Variants in HSPA4L observed in about 807,000 individuals in gnomAD.
HSPA4L encodes heat shock protein family A (Hsp70) member 4 like, also known as heat shock 70 kDa protein 4L.
In HSPA4L, 48 loss-of-function variants were observed where a neutral mutation model predicts 100.3. That is an observed-to-expected ratio of 0.48 (90% CI 0.38 to 0.61). HSPA4L has a LOEUF of 0.61. Ranked by LOEUF, HSPA4L falls within the 20% of genes least tolerant of loss-of-function variation. The pLI is 0.00. For synonymous variants in HSPA4L, 319 were observed against 328.2 expected (o/e 0.97, Z 0.30); for missense variants, 886 against 988.6 (o/e 0.90, Z 1.39).
chr4:127,832,599 T>G (rs1734110554), intron 18 of HSPA4L, 84 bp from the exon 19 acceptor site: 14 of 1,207,554 alleles, frequency 1.2e-5, no homozygotes, highest in Admixed American at 2.4e-5. Flanking sequence ...TGTGAAAATT[T>G]AGAAAGTTAA....
chr4:127,825,410 G>A (rs1262655018), intron 16 of HSPA4L, among the ~76,000 whole-genome samples: 1 of 152,162 alleles, frequency 6.6e-6, no homozygotes, highest in African/African-American at 2.4e-5. Flanking sequence ...AGAATATGGG[G>A]AAAGATGGCC....
Position 127,801,800 on chromosome 4 carries a change from G to C in HSPA4L, c.545G>C (p.Gly182Ala). 1 of 1,607,746 alleles carries C rather than the reference G, an allele frequency of 6.2e-7. No homozygotes were observed. Among genetic ancestry groups the C allele is most frequent in the Non-Finnish European group, 8.5e-7 (1 of 1,177,304 alleles). The change falls in exon 6 of 19, where the codon GGA becomes GCA. Residue 182 changes from glycine (G) to alanine (A), a missense_variant. Gly to Ala is a moderately conservative substitution (Grantham distance 60). Coordinates refer to ENST00000296464, the MANE Select transcript of HSPA4L (RefSeq NM_014278.4). Reference protein sequence around the residue: ...NETTAVALAYGIYKQDLPPLD... With the variant: ...NETTAVALAYAIYKQDLPPLD... The stretch of plus-strand genomic sequence containing the variant: ...TCTTATACAGTTGCACTGGCGTATG[G>C]AATTTATAAACAGGATCTTCCCCCA...
At chr4:127,802,478 A>C (rs898668714) in intron 6 of HSPA4L, among the ~76,000 whole-genome samples, 4 of 152,210 alleles carry the variant, frequency 2.6e-5, no homozygotes, top group African/African-American at 7.2e-5. Flanking sequence ...GTCTTAATTT[A>C]TATTACTATA....
chr4:127,816,741 A>G (rs1184170077), intron 12 of HSPA4L, among the ~76,000 whole-genome samples: 1 of 152,242 alleles, frequency 6.6e-6, no homozygotes, highest in African/African-American at 2.4e-5. Flanking sequence ...GTGATATTGT[A>G]TAGAAATATA....
chr4:127,782,423 T>G lies in HSPA4L; in HGVS notation c.-128T>G, dbSNP rs1440809121. On this transcript the variant is annotated 5_prime_UTR_variant, in exon 1 of 19. Coordinates refer to ENST00000296464, the MANE Select transcript of HSPA4L (RefSeq NM_014278.4). ...GACTCCCTGCCCTAGATTTTCTGCT[T>G]AGCGACTTGGGGTCCCCTCTCGTTT... 1.4e-6 allele frequency: 1 copy of G among 725,066 alleles called. No individual in the cohort carries two copies. Among genetic ancestry groups the G allele is most frequent in the Non-Finnish European group, 2.4e-6 (1 of 411,774 alleles). 44.9% of individuals were successfully genotyped at this position (725,066 alleles called of 1,614,324 possible). A position where few individuals can be genotyped will look rare whatever the true frequency, so the allele number is the denominator to read the frequency against.
At position 127,839,589 on chromosome 4, in the gene HSPA4L, AG is replaced by A. The variant is rs1422365804; in HGVS notation, c.*6717del. 6.6e-6 allele frequency: 1 copy of A among 151,918 alleles called. No individual in the cohort carries two copies. The highest frequency in any genetic ancestry group is 1.9e-4 in the East Asian group (1 of 5,156). The allele number at this position is 151,918 out of a possible 1,614,324, so 9.4% of individuals were successfully genotyped here. ...GTGCCTATAGTCCCAGCTATTCGGG[AG>A]GCTGAGGCAAGAGAATTGCTTGAAC... On this transcript the variant is annotated 3_prime_UTR_variant, in exon 19 of 19. Transcript: ENST00000296464.
In HSPA4L at chr4:127,809,392, C is replaced by A. The variant is rs1056741050; in HGVS notation, c.1378+1263C>A. 341 of 1,214,794 alleles carry A rather than the reference C, an allele frequency of 2.8e-4. 5 individuals are homozygous for A. In the Admixed American group the frequency reaches 5.6e-3, roughly 20 times the overall value. The allele number at this position is 1,214,794 out of a possible 1,614,324, so 75.3% of individuals were successfully genotyped here. On this transcript the variant is annotated intron_variant, in intron 11 of 18. Transcript: ENST00000296464. ...AAGGCAGCTTTGCAGCATGCTCATG[C>A]ACATTCATTTGGATACTTCATAACT...
At chr4:127,798,836 T>C in intron 4 of HSPA4L, 127 bp downstream of exon 4, 1 of 867,148 alleles carries the variant, frequency 1.2e-6, no homozygotes, top group East Asian at 2.9e-5. Context: ...TCCATCTGAC[T>C]TTCTTTTTAA....
At position 127,782,620 on chromosome 4, in the gene HSPA4L, G is replaced by C. The variant is rs781457985; in HGVS notation, c.70G>C (p.Glu24Gln). The change falls in exon 1 of 19, where the codon GAG becomes CAG. Residue 24 changes from glutamate to glutamine, a missense_variant. Coordinates refer to ENST00000296464, the MANE Select transcript of HSPA4L (RefSeq NM_014278.4). ...TGCTGTCGCGAGAAGTGGCGGCATC[G>C]AGACCATCGCCAATGAGTACAGCGA... ...YIAVARSGGI[E>Q]TIANEYSDRC... 6.2e-7 allele frequency: 1 copy of C among 1,613,900 alleles called. No individual in the cohort carries two copies. Among genetic ancestry groups the C allele is most frequent in the Non-Finnish European group, 8.5e-7 (1 of 1,179,928 alleles).
At chr4:127,816,792 T>C (rs1733680661) in intron 12 of HSPA4L, among the ~76,000 whole-genome samples, 1 of 152,232 alleles carries the variant, frequency 6.6e-6, no homozygotes, top group Non-Finnish European at 1.5e-5. Flanking sequence ...AGTTGGATTC[T>C]GAATGTGAAG....
chr4:127,791,601 C>T (rs1213830796), intron 1 of HSPA4L, among the ~76,000 whole-genome samples: 1 of 152,152 alleles, frequency 6.6e-6, no homozygotes, highest in African/African-American at 2.4e-5. Flanking sequence ...TAAGTTTCCT[C>T]CTGAATATCT....
intron 11 of HSPA4L, chr4:127,809,351 T>C: frequency 1.7e-6 from 2 of 1,144,588 alleles, no homozygotes; most frequent in Admixed American, 1.7e-5. Context: ...AGCCGCAGTA[T>C]ATTGCAGCCC....
At chr4:127,824,497 T>C (rs1407658363) in intron 16 of HSPA4L, among the ~76,000 whole-genome samples, 1 of 152,224 alleles carries the variant, frequency 6.6e-6, no homozygotes, top group East Asian at 1.9e-4. Flanking sequence ...TCAGATATTG[T>C]ATAGTCATAA....
In HSPA4L at chr4:127,832,955, AC is replaced by A; in HGVS notation, c.*82del. ...CTTTTACATCTGGTACACACAACAG[AC>A]GCTCAGTTGTTCTTAACCACTTTTG... On this transcript the variant is annotated 3_prime_UTR_variant, in exon 19 of 19. Transcript: ENST00000296464. 2.0e-6 allele frequency: 2 copies of A among 1,025,338 alleles called. No homozygotes were observed. The highest frequency in any genetic ancestry group is 2.8e-6 in the Non-Finnish European group (2 of 720,992). The allele number at this position is 1,025,338 out of a possible 1,614,324, so 63.5% of individuals were successfully genotyped here. A position where few individuals can be genotyped will look rare whatever the true frequency, so the allele number is the denominator to read the frequency against.
At chr4:127,809,305 G>A (rs1376462830) in intron 11 of HSPA4L, 1 of 1,208,490 alleles carries the variant, frequency 8.3e-7, no homozygotes. Context: ...GCACTCTCGA[G>A]ACCCTGTCTT....
intron 2 of HSPA4L, among the ~76,000 whole-genome samples, chr4:127,794,367 T>A (rs1732962527): frequency 6.6e-6 from 1 of 152,068 alleles, no homozygotes. Flanking sequence ...AGTTAGGGTG[T>A]GCTACTATGT....
chr4:127,803,244 T>G (rs1733244348), intron 6 of HSPA4L, among the ~76,000 whole-genome samples: 1 of 152,198 alleles, frequency 6.6e-6, no homozygotes, highest in Admixed American at 6.5e-5. Context: ...CTGCTTTTCT[T>G]GGATGTTTTG....
chr4:127,819,169 T>G (rs1733748047), intron 13 of HSPA4L, among the ~76,000 whole-genome samples: 1 of 152,192 alleles, frequency 6.6e-6, no homozygotes, highest in Non-Finnish European at 1.5e-5. Context: ...TTTCTATGTG[T>G]AAAAATTAAT....
At chr4:127,798,801 G>A in intron 4 of HSPA4L, 92 bp downstream of exon 4, 2 of 1,229,582 alleles carry the variant, frequency 1.6e-6, no homozygotes, top group Admixed American at 2.3e-5. Context: ...TACACTTTCT[G>A]CCCTTATCCA....
Sources: gnomAD v4.1 joint callset for allele counts (sites outside exome capture counted in the v4.1 genomes callset) on GRCh38, gnomAD v4.1.1 for gene constraint, MANE v1.5 for transcripts, NCBI Gene and HGNC (gene_info 2026-07-23, HGNC 2026-07-21) for gene names.